The following PDIA5 variants were observed in gnomAD, a reference collection of about 807,000 sequenced individuals.
The protein encoded by PDIA5 is protein disulfide isomerase family A member 5.
Under a neutral mutation model 77.6 loss-of-function variants are expected in PDIA5, and 58 were observed. That is an observed-to-expected ratio of 0.75 (90% confidence interval 0.61 to 0.93). PDIA5 has a LOEUF of 0.93. Ranked by LOEUF, PDIA5 falls within the 40% of genes least tolerant of loss-of-function variation. The pLI is 0.00. For synonymous variants in PDIA5, 250 were observed against 252.1 expected (o/e 0.99, Z 0.08); for missense variants, 630 against 647.7 (o/e 0.97, Z 0.30).
At chr3:123,078,390 G>A (rs936697820) in intron 1 of PDIA5, among the ~76,000 whole-genome samples, 18 of 152,244 alleles carry the variant, frequency 1.2e-4, no homozygotes, top group African/African-American at 3.1e-4. Flanking sequence ...TGTTCTGGAA[G>A]CCTCTTTCTT....
At chr3:123,068,604 C>T (rs1271788950) in intron 1 of PDIA5, among the ~76,000 whole-genome samples, 2 of 152,316 alleles carry the variant, frequency 1.3e-5, no homozygotes, top group South Asian at 2.1e-4. Flanking sequence ...AGTAGGAGGT[C>T]CTGCTTTCCT....
intron 7 of PDIA5, among the ~76,000 whole-genome samples, chr3:123,113,392 G>A (rs836835): frequency 0.94 from 142,805 of 152,182 alleles, 67,681 homozygotes; most frequent in East Asian, 1. Flanking sequence ...CATCCTTCAC[G>A]ACAGAGAGGT....
intron 11 of PDIA5, among the ~76,000 whole-genome samples, chr3:123,135,326 C>T (rs1474417981): frequency 6.6e-6 from 1 of 152,152 alleles, no homozygotes; most frequent in Non-Finnish European, 1.5e-5. Flanking sequence ...TCCTGAGCAG[C>T]TCGTCTCTCC....
intron 3 of PDIA5, among the ~76,000 whole-genome samples, chr3:123,096,793 T>C (rs1934453663): frequency 6.6e-6 from 1 of 152,346 alleles, no homozygotes; most frequent in Admixed American, 6.5e-5. Context: ...GTTGTCCGGC[T>C]GTTAAGCGGG....
At chr3:123,092,735 G>A (rs569076608) in intron 3 of PDIA5, among the ~76,000 whole-genome samples, 2 of 152,298 alleles carry the variant, frequency 1.3e-5, no homozygotes, top group Non-Finnish European at 2.9e-5. Flanking sequence ...GTGAGTGGCA[G>A]AGGGGGCCTT....
intron 8 of PDIA5, among the ~76,000 whole-genome samples, chr3:123,123,858 G>C (rs953476453): frequency 6.6e-6 from 1 of 152,196 alleles, no homozygotes; most frequent in Admixed American, 6.5e-5. Flanking sequence ...TGCAGCACTC[G>C]GCCCAGCTGC....
intron 1 of PDIA5, among the ~76,000 whole-genome samples, chr3:123,079,710 T>G (rs1055962662): frequency 2.0e-5 from 3 of 152,220 alleles, no homozygotes; most frequent in Non-Finnish European, 2.9e-5. Context: ...TCAAAGAGCA[T>G]AAATACTTTA....
intron 11 of PDIA5, among the ~76,000 whole-genome samples, chr3:123,137,922 A>G (rs372821828): frequency 4.0e-4 from 61 of 151,816 alleles, no homozygotes; most frequent in African/African-American, 1.4e-3. Context: ...ATTCATCTCT[A>G]TTTTTCATTT....
intron 3 of PDIA5, among the ~76,000 whole-genome samples, chr3:123,095,602 A>G (rs1934413128): frequency 6.6e-6 from 1 of 152,126 alleles, no homozygotes; most frequent in Non-Finnish European, 1.5e-5. Flanking sequence ...ATACAAAATT[A>G]GCTGAGTGTG....
At position 123,102,821 on chromosome 3, in the gene PDIA5, G is replaced by A. The variant is rs573752530; in HGVS notation, c.387+25G>A. ...GGTAAATTTACCTCCCTTGTTCTCA[G>A]CAATGGTGGAGTCTAAATGGACGCC... On this transcript the variant is annotated intron_variant, in intron 5 of 16. Transcript: ENST00000316218. 6 of 1,540,568 alleles carry A rather than the reference G, an allele frequency of 3.9e-6. No individual in the cohort carries two copies. In the South Asian group the frequency reaches 6.7e-5, roughly 17 times the overall value.
chr3:123,071,617 T>C lies in PDIA5; in HGVS notation c.42+4411T>C, dbSNP rs116824712. The stretch of plus-strand genomic sequence containing the variant: ...CGGAAGTCTTAAAACAGACCCGGCA[T>C]ATAAGGTGGAAGTGTGGCTGAGTGC... On this transcript the variant is annotated intron_variant, in intron 1 of 16. Transcript: ENST00000316218. Among the ~76,000 whole-genome samples the C allele has an allele frequency of 8.3e-3, 1,268 of 152,188 alleles. 11 individuals are homozygous for C. Among genetic ancestry groups the C allele is most frequent in the Admixed American group, 0.013 (198 of 15,288 alleles).
At chr3:123,133,099 G>A (rs1935410352) in intron 11 of PDIA5, among the ~76,000 whole-genome samples, 1 of 152,188 alleles carries the variant, frequency 6.6e-6, no homozygotes, top group Admixed American at 6.5e-5. Flanking sequence ...ACATGCTTTA[G>A]GGAGTTTGGA....
rs756569115 is a variant in PDIA5, at chr3:123,145,502, C to A, written c.911-20C>A. The A allele has an allele frequency of 4.3e-6, 7 of 1,609,912 alleles. No individual in the cohort carries two copies. The highest frequency in any genetic ancestry group is 3.3e-5 in the South Asian group (3 of 90,986). Reference sequence around the variant, plus strand: ...GGCCTCTGTGCCATAAGAATGGTTTCTCTTGATCTCTCCCCACAGGGTGTG... The same window carrying A: ...GGCCTCTGTGCCATAAGAATGGTTTATCTTGATCTCTCCCCACAGGGTGTG... On this transcript the variant is annotated intron_variant, in intron 11 of 16. Coordinates refer to ENST00000316218, the MANE Select transcript of PDIA5 (RefSeq NM_006810.4).
Position 123,116,211 on chromosome 3 carries a change from T to C in PDIA5, c.542-20T>C. The C allele has an allele frequency of 6.2e-7, 1 of 1,611,412 alleles. No homozygotes were observed. The highest frequency in any genetic ancestry group is 1.1e-5 in the South Asian group (1 of 91,048). On this transcript the variant is annotated intron_variant, in intron 7 of 16. Coordinates refer to ENST00000316218, the MANE Select transcript of PDIA5 (RefSeq NM_006810.4). The stretch of plus-strand genomic sequence containing the variant: ...GCCATCCCTGTAACCGGATGTGGTC[T>C]CTCTCCTGCCTGTGACCAGGGTGCA...
rs573060004 is a variant in PDIA5, at chr3:123,091,090, A to G, written c.170-1265A>G. ...TATTTCTCCCCCTCCCCTGCTTCCC[A>G]GAACCCAGTCCCAGCAGTAGAACAA... is the stretch of plus-strand genomic sequence containing the variant. On this transcript the variant is annotated intron_variant, in intron 2 of 16. Coordinates refer to ENST00000316218, the MANE Select transcript of PDIA5 (RefSeq NM_006810.4). Among the ~76,000 whole-genome samples, 8 of 152,228 alleles carry G rather than the reference A, an allele frequency of 5.3e-5. No individual in the cohort carries two copies. The East Asian group carries it at 1.5e-3, about 29-fold the overall frequency.
At chr3:123,107,127 A>G (rs1381726271) in intron 6 of PDIA5, among the ~76,000 whole-genome samples, 2 of 152,072 alleles carry the variant, frequency 1.3e-5, no homozygotes, top group Non-Finnish European at 2.9e-5. Flanking sequence ...GTAGATTTAA[A>G]TGTTCTCTCT....
At position 123,104,299 on chromosome 3, in the gene PDIA5, G is replaced by A. The variant is rs1934679747; in HGVS notation, c.387+1503G>A. ...AAGCAGGACTGGGGCAGAATCCCTGGAGTTCTTCAGGGCAGAGGGAAGGGG... is the reference window on the plus strand; with the variant it reads ...AAGCAGGACTGGGGCAGAATCCCTGAAGTTCTTCAGGGCAGAGGGAAGGGG... On this transcript the variant is annotated intron_variant, in intron 5 of 16. Coordinates refer to ENST00000316218, the MANE Select transcript of PDIA5 (RefSeq NM_006810.4). Among the ~76,000 whole-genome samples, 4 of 152,196 alleles carry A rather than the reference G, an allele frequency of 2.6e-5. No homozygotes were observed. In the South Asian group the frequency reaches 8.3e-4, roughly 32 times the overall value.
chr3:123,148,069 G>A (rs1490211665), intron 13 of PDIA5, among the ~76,000 whole-genome samples: 1 of 152,178 alleles, frequency 6.6e-6, no homozygotes, highest in Non-Finnish European at 1.5e-5. Context: ...ACTTTCTTAA[G>A]TGCTTTTAGG....
chr3:123,100,792 G>A (rs1253489476), intron 3 of PDIA5, among the ~76,000 whole-genome samples: 2 of 152,242 alleles, frequency 1.3e-5, no homozygotes, highest in Non-Finnish European at 2.9e-5. Flanking sequence ...GAGCTGAGTG[G>A]TTTAATTAGT....
Sources: allele counts gnomAD v4.1 joint callset (sites outside exome capture counted in the v4.1 genomes callset), GRCh38; gene constraint gnomAD v4.1.1; transcripts MANE v1.5; gene names NCBI Gene and HGNC (gene_info 2026-07-23, HGNC 2026-07-21).